NAALADL2: variants seen among roughly 807,000 people sequenced by gnomAD.
The protein encoded by NAALADL2 is N-acetylated alpha-linked acidic dipeptidase like 2.
A neutral mutation model predicts 87.2 loss-of-function variants in NAALADL2; 76 were observed. The observed-to-expected ratio is 0.87, with a 90% CI of 0.72 to 1.05. NAALADL2 has a LOEUF of 1.05. Among genes scored for constraint, NAALADL2 ranks in the 50% least tolerant of loss-of-function variants. The pLI, the probability that NAALADL2 is intolerant of heterozygous loss-of-function variation, is 0.00. For synonymous variants in NAALADL2, 354 were observed against 331.0 expected (o/e 1.07, Z -0.75); for missense variants, 1,089 against 945.8 (o/e 1.15, Z -1.99).
intron 1 of NAALADL2, among the ~76,000 whole-genome samples, chr3:175,064,264 A>G (rs978165249): frequency 6.6e-6 from 1 of 151,962 alleles, no homozygotes; most frequent in African/African-American, 2.4e-5. Flanking sequence ...AAAAAAAGAA[A>G]AACGACAACA....
chr3:175,248,361 G>T (rs1325323566), intron 3 of NAALADL2, among the ~76,000 whole-genome samples: 1 of 152,034 alleles, frequency 6.6e-6, no homozygotes, highest in Non-Finnish European at 1.5e-5. Context: ...TGGGTATATA[G>T]AATGTACTTA....
At chr3:174,995,226 A>G (rs62286239) in intron 1 of NAALADL2, among the ~76,000 whole-genome samples, 8,495 of 152,166 alleles carry the variant, frequency 0.056, 274 homozygotes, top group East Asian at 0.12. Flanking sequence ...TAATTTACAC[A>G]ATGTAGACTA....
intron 9 of NAALADL2, among the ~76,000 whole-genome samples, chr3:175,507,832 C>G (rs1397236911): frequency 6.6e-6 from 1 of 152,162 alleles, no homozygotes; most frequent in Non-Finnish European, 1.5e-5. Context: ...CATGCATAAG[C>G]CCATGGTTTT....
chr3:174,815,830 GT>G (rs10589968), intron 3 of NAALADL2, among the ~76,000 whole-genome samples: 2,561 of 114,916 alleles, frequency 0.022, 31 homozygotes, highest in Non-Finnish European at 0.029. Flanking sequence ...TTTGACTTTA[GT>G]TTTTTTTTTT....
chr3:175,411,859 C>T (rs1713585034), intron 5 of NAALADL2, among the ~76,000 whole-genome samples: 1 of 152,076 alleles, frequency 6.6e-6, no homozygotes. Flanking sequence ...CCACTGGGAG[C>T]TTAACTGTGC....
chr3:174,834,626 A>G (rs1194449338), intron 3 of NAALADL2, among the ~76,000 whole-genome samples: 1 of 151,968 alleles, frequency 6.6e-6, no homozygotes, highest in African/African-American at 2.4e-5. Flanking sequence ...TTAATATATA[A>G]AAAGTCAATT....
intron 3 of NAALADL2, among the ~76,000 whole-genome samples, chr3:174,844,163 G>T (rs1455600499): frequency 6.6e-6 from 1 of 152,132 alleles, no homozygotes; most frequent in East Asian, 1.9e-4. Flanking sequence ...TTACATGTAT[G>T]TATGTAAACT....
At chr3:174,817,332 T>G (rs1330839530) in intron 3 of NAALADL2, among the ~76,000 whole-genome samples, 1 of 152,230 alleles carries the variant, frequency 6.6e-6, no homozygotes, top group Non-Finnish European at 1.5e-5. Flanking sequence ...CTGGGCACAG[T>G]GGCTCATGCC....
chr3:175,704,835 T>G (rs1001300178), intron 11 of NAALADL2, among the ~76,000 whole-genome samples: 1 of 152,196 alleles, frequency 6.6e-6, no homozygotes, highest in Admixed American at 6.6e-5. Flanking sequence ...AGAATCTGTC[T>G]TTGAAGTCCA....
chr3:174,867,189 T>C (rs1392595147), intron 1 of NAALADL2, among the ~76,000 whole-genome samples: 2 of 151,902 alleles, frequency 1.3e-5, no homozygotes, highest in Non-Finnish European at 2.9e-5. Context: ...GTAAATTGGG[T>C]ACTAATTTAA....
chr3:175,739,668 C>A (rs1313809088), intron 12 of NAALADL2, among the ~76,000 whole-genome samples: 1 of 152,112 alleles, frequency 6.6e-6, no homozygotes, highest in Non-Finnish European at 1.5e-5. Context: ...TTTATTGAGC[C>A]TCTCTGGTAT....
intron 11 of NAALADL2, among the ~76,000 whole-genome samples, chr3:175,674,548 G>T (rs1268519446): frequency 2.0e-5 from 3 of 152,060 alleles, no homozygotes; most frequent in Non-Finnish European, 4.4e-5. Flanking sequence ...ACAGGCCTGA[G>T]CCACCGTGCC....
At chr3:175,008,921 G>A (rs1165627166) in intron 1 of NAALADL2, among the ~76,000 whole-genome samples, 1 of 152,134 alleles carries the variant, frequency 6.6e-6, no homozygotes, top group Non-Finnish European at 1.5e-5. Context: ...TTAAATAAAT[G>A]CTGTATGTTT....
chr3:175,494,777 T>C (rs887035380), intron 9 of NAALADL2, among the ~76,000 whole-genome samples: 3 of 152,084 alleles, frequency 2.0e-5, no homozygotes, highest in Admixed American at 6.6e-5. Flanking sequence ...CATACATATA[T>C]GTGTGCTTTT....
chr3:174,615,046 C>CT (rs747046363), intron 2 of NAALADL2, among the ~76,000 whole-genome samples: 2 of 152,176 alleles, frequency 1.3e-5, no homozygotes, highest in East Asian at 3.9e-4. Flanking sequence ...ACATAGGTGA[C>CT]TGTTTTTCTG....
chr3:175,547,258 A>G (rs1713495271), intron 9 of NAALADL2, among the ~76,000 whole-genome samples: 1 of 152,040 alleles, frequency 6.6e-6, no homozygotes, highest in Non-Finnish European at 1.5e-5. Context: ...CAGAAATAAG[A>G]CTGTACACCT....
At chr3:175,539,379 C>T (rs55945717) in intron 9 of NAALADL2, among the ~76,000 whole-genome samples, 29,121 of 152,080 alleles carry the variant, frequency 0.19, 4,836 homozygotes, top group African/African-American at 0.45. Context: ...TTGACAGTTA[C>T]GCATTAATCT....
intron 9 of NAALADL2, among the ~76,000 whole-genome samples, chr3:175,545,099 A>G: frequency 6.6e-6 from 1 of 152,206 alleles, no homozygotes; most frequent in East Asian, 1.9e-4. Flanking sequence ...CAAAAACATT[A>G]TTAGAGAGGC....
At chr3:174,742,847 G>T (rs1408532066) in intron 3 of NAALADL2, among the ~76,000 whole-genome samples, 1 of 151,608 alleles carries the variant, frequency 6.6e-6, no homozygotes, top group Admixed American at 6.6e-5. Context: ...AAGCAAGAAT[G>T]TAAATACAAA....
Sources: gnomAD v4.1 joint callset for allele counts (sites outside exome capture counted in the v4.1 genomes callset) on GRCh38, gnomAD v4.1.1 for gene constraint, MANE v1.5 for transcripts, NCBI Gene and HGNC (gene_info 2026-07-23, HGNC 2026-07-21) for gene names.